IRAK1BP1: variants seen among roughly 807,000 people sequenced by gnomAD.
The protein encoded by IRAK1BP1 is interleukin-1 receptor-associated kinase 1-binding protein 1.
Under a neutral mutation model 28.0 loss-of-function variants are expected in IRAK1BP1, and 24 were observed. That is an observed-to-expected ratio of 0.86 (90% CI 0.62 to 1.20). The LOEUF (loss-of-function observed/expected upper bound fraction) is 1.20. Ranked by LOEUF, IRAK1BP1 falls within the 50% of genes most tolerant of loss-of-function variation. The pLI is 0.00. For missense variants in IRAK1BP1, 336 were observed against 316.7 expected (o/e 1.06, Z -0.46); for synonymous variants, 131 against 116.3 (o/e 1.13, Z -0.81).
Position 78,921,891 on chromosome 6 carries a change from C to T in IRAK1BP1, c.*67+18781C>T, listed in dbSNP as rs546199397. On this transcript the variant is annotated intron_variant and NMD_transcript_variant, in intron 4 of 4. Coordinates refer to the IRAK1BP1 transcript ENST00000606868. Reference sequence around the variant, plus strand: ...GACTGTTCGAAGGAAAACTAACAAACGGAAAGGACATCCATATCAAAACCC... The same window carrying T: ...GACTGTTCGAAGGAAAACTAACAAATGGAAAGGACATCCATATCAAAACCC... Among the ~76,000 whole-genome samples, 6 of 152,288 alleles carry T rather than the reference C, an allele frequency of 3.9e-5. No individual in the cohort carries two copies. The East Asian group carries it at 9.6e-4, about 24-fold the overall frequency.
At chr6:78,912,136 A>G (rs759904231) in intron 4 of IRAK1BP1, among the ~76,000 whole-genome samples, 5 of 152,246 alleles carry the variant, frequency 3.3e-5, no homozygotes, top group South Asian at 4.1e-4. Flanking sequence ...TTTCACCATT[A>G]TAGCTTTTTC....
At chr6:78,881,052 A>G (rs1562078944) in intron 1 of IRAK1BP1, among the ~76,000 whole-genome samples, 1 of 152,226 alleles carries the variant, frequency 6.6e-6, no homozygotes, top group African/African-American at 2.4e-5. Flanking sequence ...ACGTAAGTAC[A>G]TATAAGAATC....
chr6:78,878,835 C>T lies in IRAK1BP1; in HGVS notation c.316-6543C>T, dbSNP rs150445479. 5.7e-3 allele frequency among the ~76,000 whole-genome samples: 864 copies of T among 152,250 alleles called. 12 individuals are homozygous for T. Among genetic ancestry groups the T allele is most frequent in the African/African-American group, 0.02 (829 of 41,538 alleles). On this transcript the variant is annotated intron_variant, in intron 1 of 3. Coordinates refer to ENST00000369940, the MANE Select transcript of IRAK1BP1 (RefSeq NM_001010844.4). The stretch of plus-strand genomic sequence containing the variant: ...CCTGATGGAGCTGAAAACCATGGCA[C>T]AAGAACTACGTGACGCATGCACAAG...
At chr6:78,961,807 A>G in the IRAK1BP1 span, 5 of 1,603,034 alleles carry the variant, frequency 3.1e-6, no homozygotes, top group Non-Finnish European at 4.3e-6. Flanking sequence ...TGCTGAGGCA[A>G]TATCTAAAAT....
At chr6:78,957,170 A>G in the IRAK1BP1 span, 2 of 152,086 alleles carry the variant, frequency 1.3e-5, no homozygotes, top group Non-Finnish European at 2.9e-5. Flanking sequence ...TGAAAGAAAT[A>G]CATTTCACAG....
At chr6:78,975,953 G>C in the IRAK1BP1 span, among the ~76,000 whole-genome samples, 1 of 151,180 alleles carries the variant, frequency 6.6e-6, no homozygotes, top group African/African-American at 2.4e-5. Flanking sequence ...TACTGCCCAA[G>C]GTAATTTACA....
intron 4 of IRAK1BP1, among the ~76,000 whole-genome samples, chr6:78,920,982 A>G (rs943183499): frequency 6.6e-6 from 1 of 152,234 alleles, no homozygotes; most frequent in Non-Finnish European, 1.5e-5. Context: ...GCTCCGGTCT[A>G]CAGCTCCTAG....
chr6:78,867,974 C>T, intron 1 of IRAK1BP1, 83 bp downstream of exon 1: 1 of 1,394,784 alleles, frequency 7.2e-7, no homozygotes, highest in Non-Finnish European at 9.6e-7. Context: ...GCCCCCCTAG[C>T]GGGAAGGGAG....
At chr6:78,941,195 A>G (rs1373651838) in intron 4 of IRAK1BP1, 4 of 1,613,962 alleles carry the variant, frequency 2.5e-6, no homozygotes, top group South Asian at 1.1e-5. Flanking sequence ...TTTCTTGTGT[A>G]TAATTTCACC....
At chr6:78,922,338 A>G (rs1772758417) in intron 4 of IRAK1BP1, among the ~76,000 whole-genome samples, 1 of 152,250 alleles carries the variant, frequency 6.6e-6, no homozygotes, top group Non-Finnish European at 1.5e-5. Flanking sequence ...TGGAAGATCA[A>G]ATGAATGAAA....
At chr6:78,939,558 T>C (rs1272264661) in intron 4 of IRAK1BP1, 1 of 151,944 alleles carries the variant, frequency 6.6e-6, no homozygotes, top group Admixed American at 6.5e-5. Flanking sequence ...AAAGAATTTA[T>C]ACCTGGGTAA....
At chr6:78,966,960 T>C in the IRAK1BP1 span, among the ~76,000 whole-genome samples, 3 of 152,258 alleles carry the variant, frequency 2.0e-5, no homozygotes, top group Non-Finnish European at 4.4e-5. Flanking sequence ...GAAATGGTGA[T>C]GTCTACCTCC....
At chr6:78,880,460 T>C (rs1209294966) in intron 1 of IRAK1BP1, among the ~76,000 whole-genome samples, 12 of 152,194 alleles carry the variant, frequency 7.9e-5, no homozygotes. Flanking sequence ...AAAAGATAAA[T>C]TGTATTTTAT....
chr6:78,970,225 A>AT, the IRAK1BP1 span: 1 of 1,491,168 alleles, frequency 6.7e-7, no homozygotes, highest in Non-Finnish European at 9.3e-7. Flanking sequence ...AAACCACAAA[A>AT]TAGACTGCTA....
chr6:78,974,001 G>T, the IRAK1BP1 span, among the ~76,000 whole-genome samples: 279 of 152,248 alleles, frequency 1.8e-3, 1 homozygote, highest in Non-Finnish European at 3.4e-3. Context: ...CCCAGGAATT[G>T]AACTCAGCTC....
chr6:78,977,909 G>C, the IRAK1BP1 span, among the ~76,000 whole-genome samples: 5 of 151,760 alleles, frequency 3.3e-5, no homozygotes, highest in Non-Finnish European at 5.9e-5. Flanking sequence ...CTGTAAATTA[G>C]TGTGCTTTGC....
chr6:78,972,362 T>C, the IRAK1BP1 span, among the ~76,000 whole-genome samples: 1 of 151,822 alleles, frequency 6.6e-6, no homozygotes, highest in East Asian at 1.9e-4. Context: ...GACATCCACA[T>C]CAAAAACCCA....
chr6:78,908,244 G>C (rs966177334), intron 4 of IRAK1BP1, among the ~76,000 whole-genome samples: 3 of 151,472 alleles, frequency 2.0e-5, no homozygotes, highest in Admixed American at 2.0e-4. Flanking sequence ...GTAGAGATGG[G>C]GTTTCACCAT....
At chr6:78,971,997 C>T in the IRAK1BP1 span, among the ~76,000 whole-genome samples, 90 of 151,318 alleles carry the variant, frequency 5.9e-4, no homozygotes, top group African/African-American at 1.7e-3. Flanking sequence ...ACAAAGCAGC[C>T]GGGAAGCTCG....
Sources: gnomAD v4.1 joint callset for allele counts (sites outside exome capture counted in the v4.1 genomes callset) on GRCh38, gnomAD v4.1.1 for gene constraint, MANE v1.5 for transcripts, NCBI Gene and HGNC (gene_info 2026-07-23, HGNC 2026-07-21) for gene names.